GRM5: variants seen among roughly 807,000 people sequenced by gnomAD.
GRM5 encodes the protein glutamate metabotropic receptor 5, also known as metabotropic glutamate receptor 5.
In GRM5, 19 loss-of-function variants were observed where a neutral mutation model predicts 83.1. The ratio of observed to expected loss-of-function variants is 0.23; its 90% CI spans 0.16 to 0.34. The LOEUF (loss-of-function observed/expected upper bound fraction) is 0.34. GRM5 is among the 10% of genes least tolerant of loss of function. GRM5 has a pLI of 1.00. For synonymous variants in GRM5, 675 were observed against 633.6 expected (o/e 1.07, Z -0.98); for missense variants, 1,160 against 1,588.3 (o/e 0.73, Z 4.58).
At chr11:88,510,339 T>C (rs1358986157) in intron 9 of GRM5, among the ~76,000 whole-genome samples, 1 of 152,172 alleles carries the variant, frequency 6.6e-6, no homozygotes, top group Admixed American at 6.5e-5. Context: ...TCTTTCTCCT[T>C]TGCACTTCCA....
chr11:88,774,924 T>C (rs1942816496), intron 3 of GRM5, among the ~76,000 whole-genome samples: 1 of 152,244 alleles, frequency 6.6e-6, no homozygotes, highest in South Asian at 2.1e-4. Context: ...GTTGTGTCTC[T>C]GCCAGGCTTT....
At chr11:88,738,036 T>A (rs1212799757) in intron 3 of GRM5, among the ~76,000 whole-genome samples, 2 of 142,832 alleles carry the variant, frequency 1.4e-5, no homozygotes, top group African/African-American at 5.5e-5. Context: ...TGAAAATAGA[T>A]TTTTAAAATT....
At position 88,780,155 on chromosome 11, in the gene GRM5, T is replaced by A. The variant is rs16914821; in HGVS notation, c.911+69751A>T. Reference sequence around the variant, plus strand: ...CCTGTTTTCCTTGTGGCACTTACAATGATAACAATTAATTGTACAATCATA... The same window carrying A: ...CCTGTTTTCCTTGTGGCACTTACAAAGATAACAATTAATTGTACAATCATA... On this transcript the variant is annotated intron_variant, in intron 3 of 9. Transcript: ENST00000305447. 2.2e-4 allele frequency among the ~76,000 whole-genome samples: 34 copies of A among 152,180 alleles called. No individual in the cohort carries two copies. The East Asian group carries it at 6.6e-3, about 29-fold the overall frequency.
chr11:88,595,733 T>C (rs561925832), intron 6 of GRM5, among the ~76,000 whole-genome samples: 66 of 152,274 alleles, frequency 4.3e-4, no homozygotes, highest in African/African-American at 1.6e-3. Flanking sequence ...TTTCCCTCAT[T>C]GTTCCTCTTC....
intron 2 of GRM5, among the ~76,000 whole-genome samples, chr11:88,906,651 T>C (rs1206025370): frequency 1.4e-4 from 22 of 152,178 alleles, no homozygotes. Flanking sequence ...ACCACAATTA[T>C]GGTGTAATGA....
chr11:88,837,874 G>A (rs941750353), intron 3 of GRM5, among the ~76,000 whole-genome samples: 2 of 151,974 alleles, frequency 1.3e-5, no homozygotes, highest in African/African-American at 4.8e-5. Context: ...CACGAGGTCA[G>A]GAGATGGAGA....
At chr11:88,546,823 A>T (rs1227568903) in intron 8 of GRM5, among the ~76,000 whole-genome samples, 1 of 152,138 alleles carries the variant, frequency 6.6e-6, no homozygotes, top group Non-Finnish European at 1.5e-5. Flanking sequence ...AGCTTGGTTT[A>T]TGCAGAAGAT....
chr11:88,776,669 A>G (rs1942858355), intron 3 of GRM5, among the ~76,000 whole-genome samples: 1 of 152,098 alleles, frequency 6.6e-6, no homozygotes, highest in Non-Finnish European at 1.5e-5. Context: ...GCTTCTCTGT[A>G]GAGGATTTTA....
chr11:88,886,609 G>C (rs1370673263), intron 2 of GRM5, among the ~76,000 whole-genome samples: 2 of 152,124 alleles, frequency 1.3e-5, no homozygotes, highest in East Asian at 3.9e-4. Context: ...TGTGGGGCTG[G>C]AAGAAGTCCT....
chr11:88,942,749 G>A (rs1430874261), intron 2 of GRM5, among the ~76,000 whole-genome samples: 2 of 151,154 alleles, frequency 1.3e-5, no homozygotes, highest in African/African-American at 2.4e-5. Flanking sequence ...AAAAAAAATG[G>A]GACACAACTG....
chr11:88,864,612 T>C (rs1944627924), intron 2 of GRM5, among the ~76,000 whole-genome samples: 1 of 152,100 alleles, frequency 6.6e-6, no homozygotes, highest in Non-Finnish European at 1.5e-5. Context: ...TCATGTCAAC[T>C]GCAAAGAGAC....
chr11:88,706,609 C>T (rs1239884651), intron 3 of GRM5, among the ~76,000 whole-genome samples: 1 of 151,998 alleles, frequency 6.6e-6, no homozygotes, highest in Non-Finnish European at 1.5e-5. Context: ...AGGTATGAAC[C>T]TGGATGGATG....
chr11:89,022,478 T>TA (rs1439821229), intron 2 of GRM5, among the ~76,000 whole-genome samples: 1 of 83,874 alleles, frequency 1.2e-5, no homozygotes, highest in East Asian at 3.3e-4. Flanking sequence ...CCGTCCCTAC[T>TA]AAAAATACAA....
At position 88,508,445 on chromosome 11, in the gene GRM5, G is replaced by A. The variant is rs201189084; in HGVS notation, c.*147C>T. On this transcript the variant is annotated 3_prime_UTR_variant, in exon 10 of 10. Coordinates refer to ENST00000305447, the MANE Select transcript of GRM5 (RefSeq NM_001143831.3). This position sits in a 1 kb window ranked among gnomAD's most constrained non-coding sequence, Gnocchi z 4.2. ...TTTCTTCGTCGGTTGTCATGAGATAGCACTACTGATCTCGTGTTTCCATTA... is the reference window on the plus strand; with the variant it reads ...TTTCTTCGTCGGTTGTCATGAGATAACACTACTGATCTCGTGTTTCCATTA... 1.1e-3 allele frequency: 605 copies of A among 565,180 alleles called. 1 individual carries two copies. Among genetic ancestry groups the A allele is most frequent in the South Asian group, 2.6e-3 (100 of 39,042 alleles). 35.0% of individuals were successfully genotyped at this position (565,180 alleles called of 1,614,324 possible).
intron 2 of GRM5, among the ~76,000 whole-genome samples, chr11:88,985,479 C>T (rs191372798): frequency 1.4e-4 from 21 of 152,150 alleles, no homozygotes; most frequent in African/African-American, 5.1e-4. Flanking sequence ...CCCCATGAGT[C>T]CTCGTATACT....
chr11:88,572,309 G>A (rs553021632), intron 7 of GRM5, among the ~76,000 whole-genome samples: 1 of 152,322 alleles, frequency 6.6e-6, no homozygotes, highest in Non-Finnish European at 1.5e-5. Context: ...TAATGAATGA[G>A]AGAGGGAGAG....
intron 2 of GRM5, among the ~76,000 whole-genome samples, chr11:88,870,645 G>A (rs564385876): frequency 2.6e-5 from 4 of 151,682 alleles, no homozygotes; most frequent in South Asian, 4.1e-4. Flanking sequence ...GGCAGTAGAA[G>A]CTGATGTTTG....
chr11:88,623,916 A>G (rs1041249949), intron 4 of GRM5, among the ~76,000 whole-genome samples: 1 of 152,122 alleles, frequency 6.6e-6, no homozygotes, highest in African/African-American at 2.4e-5. Context: ...TATTTATCCT[A>G]AAAAAGTCAA....
At chr11:88,831,534 G>T (rs560137597) in intron 3 of GRM5, among the ~76,000 whole-genome samples, 1 of 152,142 alleles carries the variant, frequency 6.6e-6, no homozygotes, top group South Asian at 2.1e-4. Context: ...GTACCTATTT[G>T]GGACCTCATG....
Sources: gnomAD v4.1 joint callset for allele counts (sites outside exome capture counted in the v4.1 genomes callset) on GRCh38, gnomAD v4.1.1 for gene constraint, Gnocchi (gnomAD v3.1) non-coding constraint, MANE v1.5 for transcripts, NCBI Gene and HGNC (gene_info 2026-07-23, HGNC 2026-07-21) for gene names.